IGSF11: variants seen among roughly 807,000 people sequenced by gnomAD.
The protein encoded by IGSF11 is immunoglobulin superfamily member 11, also known as CXADR like 1.
In IGSF11, 22 loss-of-function variants were observed where a neutral mutation model predicts 41.0. The ratio of observed to expected loss-of-function variants is 0.54; its 90% CI spans 0.38 to 0.77. IGSF11 has a LOEUF of 0.77. Among genes scored for constraint, IGSF11 ranks in the 30% least tolerant of loss-of-function variants. The pLI, the probability that IGSF11 is intolerant of heterozygous loss-of-function variation, is 0.00. For missense variants in IGSF11, 444 were observed against 530.8 expected (o/e 0.84, Z 1.61); for synonymous variants, 219 against 201.3 (o/e 1.09, Z -0.74).
chr3:119,019,986 C>A (rs1276914841), intron 1 of IGSF11, among the ~76,000 whole-genome samples: 1 of 152,104 alleles, frequency 6.6e-6, no homozygotes, highest in Non-Finnish European at 1.5e-5. Context: ...ATAAAAGAAG[C>A]CCCAGGGAGC....
At chr3:119,087,017 TGTAA>T (rs2076686656) in intron 1 of IGSF11, among the ~76,000 whole-genome samples, 1 of 152,184 alleles carries the variant, frequency 6.6e-6, no homozygotes, top group Admixed American at 6.5e-5. Context: ...CTATCTCACA[TGTAA>T]TGACACCCAC....
chr3:118,966,949 CTG>C (rs2107611183), intron 1 of IGSF11, among the ~76,000 whole-genome samples: 1 of 152,214 alleles, frequency 6.6e-6, no homozygotes, highest in East Asian at 1.9e-4. Flanking sequence ...GAAGAGACAA[CTG>C]TTCCTACCAC....
intron 1 of IGSF11, among the ~76,000 whole-genome samples, chr3:119,095,830 C>T (rs1032572809): frequency 1.3e-5 from 2 of 152,198 alleles, no homozygotes; most frequent in African/African-American, 4.8e-5. Flanking sequence ...AGGTTGCATA[C>T]TGCAAACCCA....
intron 1 of IGSF11, among the ~76,000 whole-genome samples, chr3:118,933,841 T>G (rs1005925967): frequency 6.6e-6 from 1 of 152,136 alleles, no homozygotes; most frequent in Non-Finnish European, 1.5e-5. Flanking sequence ...AATCTGCGAA[T>G]CAGTTTCAGT....
intron 1 of IGSF11, among the ~76,000 whole-genome samples, chr3:119,020,256 G>A (rs1449892784): frequency 6.6e-6 from 1 of 152,172 alleles, no homozygotes; most frequent in Non-Finnish European, 1.5e-5. Flanking sequence ...CCCCTCACAA[G>A]GACACACAGA....
chr3:119,089,248 A>T (rs2076725455), intron 1 of IGSF11, among the ~76,000 whole-genome samples: 1 of 152,240 alleles, frequency 6.6e-6, no homozygotes, highest in South Asian at 2.1e-4. Context: ...AGTAGGCTTT[A>T]TTCCTGGGAT....
intron 1 of IGSF11, among the ~76,000 whole-genome samples, chr3:119,003,316 T>C (rs1187007503): frequency 6.8e-6 from 1 of 146,038 alleles, no homozygotes; most frequent in Non-Finnish European, 1.5e-5. Flanking sequence ...TTTTTGTACA[T>C]TGATTTTGTA....
At chr3:118,928,431 ACAAGGGCAGAAG>A in intron 3 of IGSF11, 66 bp downstream of exon 3, 1 of 1,125,342 alleles carries the variant, frequency 8.9e-7, no homozygotes, top group Non-Finnish European at 1.3e-6. Flanking sequence ...AGGTGTAGAA[ACAAGGGCAGAAG>A]CAAGTATGCT....
At position 118,945,571 on chromosome 3, in the gene IGSF11, C is replaced by T. The variant is rs539775519; in HGVS notation, c.53-15296G>A. ...AAGACTAAATGAAACCACAGAGTGC[C>T]GGAAGAATAAGCAAGGAAAGAATAG... On this transcript the variant is annotated intron_variant, in intron 1 of 6. Transcript: ENST00000393775. 5.3e-5 allele frequency among the ~76,000 whole-genome samples: 8 copies of T among 152,006 alleles called. No individual in the cohort carries two copies. In the East Asian group the frequency reaches 9.7e-4, roughly 18 times the overall value.
In IGSF11 at chr3:118,949,755, A is replaced by G. The variant is rs376469075; in HGVS notation, c.53-19480T>C. ...TAAAGTAATCCAAAAAATTTATCAA[A>G]GCCAAGACTAAAATTCAAGTCTCAT... is the stretch of plus-strand genomic sequence containing the variant. On this transcript the variant is annotated intron_variant, in intron 1 of 6. Coordinates refer to ENST00000393775, the MANE Select transcript of IGSF11 (RefSeq NM_001015887.3). 5.0e-4 allele frequency among the ~76,000 whole-genome samples: 76 copies of G among 152,374 alleles called. 1 individual carries two copies. The highest frequency in any genetic ancestry group is 1.8e-3 in the African/African-American group (75 of 41,588).
intron 1 of IGSF11, among the ~76,000 whole-genome samples, chr3:118,978,101 T>C (rs987764860): frequency 6.6e-6 from 1 of 152,196 alleles, no homozygotes; most frequent in Non-Finnish European, 1.5e-5. Flanking sequence ...AAGCTTTCTC[T>C]GATAGCAGGT....
chr3:119,083,126 C>CTT (rs79620142), intron 1 of IGSF11, among the ~76,000 whole-genome samples: 5,513 of 129,026 alleles, frequency 0.043, 408 homozygotes, highest in African/African-American at 0.13. Context: ...TTTCTTTTTT[C>CTT]TTTTTTTTTT....
At chr3:118,908,746 GAAA>G (rs1226555316) in intron 4 of IGSF11, among the ~76,000 whole-genome samples, 1 of 152,096 alleles carries the variant, frequency 6.6e-6, no homozygotes, top group African/African-American at 2.4e-5. Flanking sequence ...TTCTGAATTA[GAAA>G]AAAACAAATG....
intron 1 of IGSF11, among the ~76,000 whole-genome samples, chr3:118,980,837 G>C (rs956987919): frequency 2.0e-5 from 3 of 152,084 alleles, no homozygotes; most frequent in Non-Finnish European, 2.9e-5. Flanking sequence ...TTAAATATTT[G>C]ATTTGTATTT....
At chr3:118,911,838 G>A (rs1159992982) in intron 4 of IGSF11, among the ~76,000 whole-genome samples, 1 of 152,042 alleles carries the variant, frequency 6.6e-6, no homozygotes, top group Non-Finnish European at 1.5e-5. Flanking sequence ...GTCTCTTCTA[G>A]GAGCCTCAGT....
intron 1 of IGSF11, among the ~76,000 whole-genome samples, chr3:119,053,245 T>C (rs1186047387): frequency 6.6e-6 from 1 of 152,094 alleles, no homozygotes; most frequent in East Asian, 1.9e-4. Flanking sequence ...TAGGTATAGA[T>C]CATATACTTA....
chr3:118,999,653 A>G (rs1357051691), intron 1 of IGSF11, among the ~76,000 whole-genome samples: 1 of 152,218 alleles, frequency 6.6e-6, no homozygotes, highest in Non-Finnish European at 1.5e-5. Context: ...CACTTGTTAA[A>G]TGAAAAGTCA....
intron 1 of IGSF11, among the ~76,000 whole-genome samples, chr3:118,996,072 C>T (rs1936244301): frequency 6.6e-6 from 1 of 152,306 alleles, no homozygotes; most frequent in Admixed American, 6.5e-5. Context: ...GCGTGAGCCA[C>T]CACGCATGGA....
intron 1 of IGSF11, among the ~76,000 whole-genome samples, chr3:118,975,343 A>G (rs1348920375): frequency 6.7e-6 from 1 of 148,968 alleles, no homozygotes; most frequent in Non-Finnish European, 1.5e-5. Flanking sequence ...TGACAAATAA[A>G]TTTGTAGCCC....
Sources: allele counts gnomAD v4.1 joint callset (sites outside exome capture counted in the v4.1 genomes callset), GRCh38; gene constraint gnomAD v4.1.1; transcripts MANE v1.5; gene names NCBI Gene and HGNC (gene_info 2026-07-23, HGNC 2026-07-21).